Variants in DEPDC5 observed in about 807,000 individuals in gnomAD.
DEPDC5 encodes the protein DEP domain containing 5, GATOR1 subcomplex subunit, also known as GATOR1 complex protein DEPDC5.
A neutral mutation model predicts 217.3 loss-of-function variants in DEPDC5; 73 were observed. The observed-to-expected ratio is 0.34, with a 90% confidence interval of 0.28 to 0.41. The LOEUF is 0.41. Ranked by LOEUF, DEPDC5 falls within the 10% of genes least tolerant of loss-of-function variation. The probability of loss-of-function intolerance (pLI) is 1.00; values close to 1 mark genes in which losing one functional copy is unlikely to be tolerated. For synonymous variants in DEPDC5, 733 were observed against 756.7 expected, an observed-to-expected ratio of 0.97 and a Z score of 0.51; for missense variants, 1,675 against 2,070.1, an observed-to-expected ratio of 0.81 and a Z score of 3.70.
intron 7 of DEPDC5, among the ~76,000 whole-genome samples, chr22:31,777,309 G>A (rs2083973397): frequency 2.0e-5 from 3 of 150,244 alleles, no homozygotes; most frequent in Admixed American, 1.3e-4. Context: ...CGCCCAGGCT[G>A]GAGTGCAGTG....
chr22:31,861,574 T>C, intron 33 of DEPDC5, 141 bp downstream of exon 33: 2 of 850,156 alleles, frequency 2.4e-6, no homozygotes, highest in East Asian at 2.7e-5. Flanking sequence ...CTCAGAATTG[T>C]ACATTCTCTT....
intron 38 of DEPDC5, among the ~76,000 whole-genome samples, chr22:31,886,755 CAA>C (rs1224610835): frequency 2.3e-4 from 12 of 52,128 alleles, no homozygotes; most frequent in Admixed American, 4.9e-4. Context: ...GTCTCCATCT[CAA>C]AAAAAAAAAA....
intron 38 of DEPDC5, among the ~76,000 whole-genome samples, chr22:31,892,149 T>C (rs893850736): frequency 6.6e-6 from 1 of 152,222 alleles, no homozygotes; most frequent in Non-Finnish European, 1.5e-5. Context: ...TGTTTCTTCA[T>C]AGGTCACTGA....
intron 2 of DEPDC5, 50 bp downstream of exon 2, chr22:31,755,029 G>A: frequency 1.2e-6 from 2 of 1,607,634 alleles, no homozygotes; most frequent in Non-Finnish European, 1.7e-6. Flanking sequence ...TGAGGTTCTG[G>A]TGTGTGCAAT....
chr22:31,800,394 C>A (rs1344365070), intron 14 of DEPDC5, among the ~76,000 whole-genome samples: 1 of 151,976 alleles, frequency 6.6e-6, no homozygotes, highest in Non-Finnish European at 1.5e-5. Flanking sequence ...GGTGATGATG[C>A]CCCCACTCAC....
intron 7 of DEPDC5, among the ~76,000 whole-genome samples, chr22:31,770,462 C>T (rs1225671973): frequency 6.6e-6 from 1 of 151,274 alleles, no homozygotes; most frequent in African/African-American, 2.4e-5. Flanking sequence ...CTGACTGCAG[C>T]CTCTACCTCC....
chr22:31,778,192 T>C (rs778362740), intron 8 of DEPDC5, 24 bp downstream of exon 8: 2 of 1,608,038 alleles, frequency 1.2e-6, no homozygotes, highest in Admixed American at 3.3e-5. Flanking sequence ...AATGCTTTTT[T>C]GGTTTTATCT....
chr22:31,841,673 T>C (rs2148992373), intron 27 of DEPDC5, among the ~76,000 whole-genome samples: 1 of 152,336 alleles, frequency 6.6e-6, no homozygotes, highest in South Asian at 2.1e-4. Context: ...TACACTTCTA[T>C]GCAAACGTCT....
chr22:31,893,709 G>A lies in DEPDC5; in HGVS notation c.4161G>A (p.Lys1387=). The A allele has an allele frequency of 1.9e-6, 3 of 1,613,892 alleles. No individual in the cohort carries two copies. Among genetic ancestry groups the A allele is most frequent in the Non-Finnish European group, 2.5e-6 (3 of 1,179,910 alleles). Residue 1387 remains lysine, a synonymous_variant, in exon 39 of 43, where the codon AAG becomes AAA. Coordinates refer to ENST00000651528, the MANE Select transcript of DEPDC5 (RefSeq NM_001242896.3). ...CTCTGAATGCAGCCTTTGAGATCAAGCTGCACTGGATGGCGGTGACCGCAG... is the reference window on the plus strand; with the variant it reads ...CTCTGAATGCAGCCTTTGAGATCAAACTGCACTGGATGGCGGTGACCGCAG... ...NFSLNAAFEI[K]LHWMAVTAAV...
chr22:31,797,928 C>CTT (rs534957552), intron 13 of DEPDC5, among the ~76,000 whole-genome samples: 1 of 140,650 alleles, frequency 7.1e-6, no homozygotes, highest in Non-Finnish European at 1.6e-5. Flanking sequence ...AGATGCCTTC[C>CTT]TTTTTTTTTT....
intron 15 of DEPDC5, among the ~76,000 whole-genome samples, chr22:31,803,332 T>A (rs773639442): frequency 4.1e-4 from 62 of 152,086 alleles, no homozygotes; most frequent in Non-Finnish European, 6.6e-4. Context: ...TGCCTCAGCC[T>A]CCCAAGTAGC....
rs1160535755 is a variant in DEPDC5 at position 31,815,113 on chromosome 22, G to A, written c.1567G>A (p.Asp523Asn). Residue 523 changes from aspartate to asparagine, a missense_variant, in exon 21 of 43, where the codon GAC (aspartate) becomes AAC (asparagine). Transcript: ENST00000651528. Reference protein sequence around the residue: ...TEEVRSQASDDSSLGKSANIL... With the variant: ...TEEVRSQASDNSSLGKSANIL... ...GGAAGTGAGGAGCCAGGCTTCTGAC[G>A]ACAGCTCCCTAGGCAAGAGTGCCAA... is the stretch of plus-strand genomic sequence containing the variant. 9.9e-6 allele frequency: 16 copies of A among 1,614,176 alleles called. No homozygotes were observed. Among genetic ancestry groups the A allele is most frequent in the Non-Finnish European group, 1.4e-5 (16 of 1,180,036 alleles).
chr22:31,810,372 C>A, intron 19 of DEPDC5, 149 bp from the exon 20 acceptor site: 1 of 1,198,580 alleles, frequency 8.3e-7, no homozygotes, highest in Non-Finnish European at 1.2e-6. Flanking sequence ...AGGGTGATCA[C>A]CTGTGCCTTG....
chr22:31,790,331 C>T (rs555725395), intron 10 of DEPDC5, among the ~76,000 whole-genome samples: 1 of 152,034 alleles, frequency 6.6e-6, no homozygotes. Context: ...CTTCAGAGAC[C>T]CAGGAGGAAC....
chr22:31,874,736 T>C (rs1329777327), intron 36 of DEPDC5, among the ~76,000 whole-genome samples: 1 of 152,182 alleles, frequency 6.6e-6, no homozygotes, highest in Non-Finnish European at 1.5e-5. Flanking sequence ...CCCTGGTCAA[T>C]GCATGCTTAT....
In DEPDC5 at chr22:31,893,730, C is replaced by T. The variant is rs763298411; in HGVS notation, c.4182C>T (p.Thr1394=). 33 of 1,607,912 alleles carry T rather than the reference C, an allele frequency of 2.1e-5. No individual in the cohort carries two copies. Among genetic ancestry groups the T allele is most frequent in the East Asian group, 1.6e-4 (7 of 44,598 alleles). The part of the protein sequence containing the change: ...FEIKLHWMAV[T]AAVLFEMVQG... ...TCAAGCTGCACTGGATGGCGGTGAC[C>T]GCAGCAGTACTCTTCGAGATGGTGA... Residue 1394 remains threonine (T), a synonymous_variant, in exon 39 of 43, where the codon ACC becomes ACT. Coordinates refer to ENST00000651528, the MANE Select transcript of DEPDC5 (RefSeq NM_001242896.3).
chr22:31,837,901 C>T (rs1205279519), intron 26 of DEPDC5, among the ~76,000 whole-genome samples: 1 of 151,972 alleles, frequency 6.6e-6, no homozygotes, highest in African/African-American at 2.4e-5. Flanking sequence ...TAGGGTTTCA[C>T]CATGTTGGCC....
Position 31,784,823 on chromosome 22 carries a change from A to G in DEPDC5, c.572A>G (p.Tyr191Cys), listed in dbSNP as rs749809456. The G allele has an allele frequency of 2.2e-5, 36 of 1,613,146 alleles. No individual in the cohort carries two copies. The highest frequency in any genetic ancestry group is 1.7e-4 in the Admixed American group (10 of 59,894). ...CATTGTTTCTTTTCAGGGGATTTGT[A>G]TTTTGAGAAAGCTGTGAATGGTTTC... ...MWDFDIYGDL[Y>C]FEKAVNGFLA... is the part of the protein sequence containing the mutation. The change falls in exon 10 of 43, where the codon TAT becomes TGT. Residue 191 changes from tyrosine (Y) to cysteine (C), a missense_variant. By Grantham distance (194) the Tyr-to-Cys change is radical (BLOSUM62 -2). Coordinates refer to ENST00000651528, the MANE Select transcript of DEPDC5 (RefSeq NM_001242896.3).
intron 24 of DEPDC5, among the ~76,000 whole-genome samples, chr22:31,831,722 A>C (rs1301174012): frequency 6.6e-6 from 1 of 152,180 alleles, no homozygotes; most frequent in African/African-American, 2.4e-5. Flanking sequence ...CGGCCTCCCA[A>C]AGGGTTGAGA....
Sources: gnomAD v4.1 joint callset for allele counts (sites outside exome capture counted in the v4.1 genomes callset) on GRCh38, gnomAD v4.1.1 for gene constraint, MANE v1.5 for transcripts, NCBI Gene and HGNC (gene_info 2026-07-23, HGNC 2026-07-21) for gene names.